The following IFI27 variants were observed in gnomAD, a reference collection of about 807,000 sequenced individuals.
IFI27 encodes the protein interferon alpha-inducible protein 27, mitochondrial.
Under a neutral mutation model 8.9 loss-of-function variants are expected in IFI27, and 3 were observed. The ratio of observed to expected loss-of-function variants is 0.34; its 90% CI spans 0.15 to 0.87. The LOEUF (loss-of-function observed/expected upper bound fraction) is 0.87. Ranked by LOEUF, IFI27 falls within the 40% of genes least tolerant of loss-of-function variation. The probability of loss-of-function intolerance (pLI) is 0.51; values close to 1 mark genes in which losing one functional copy is unlikely to be tolerated. For synonymous variants in IFI27, 66 were observed against 67.3 expected, an observed-to-expected ratio of 0.98 and a Z score of 0.09; for missense variants, 152 against 157.7, an observed-to-expected ratio of 0.96 and a Z score of 0.19.
At chr14:94,108,550 T>C (rs894319692), upstream of IFI27, among the ~76,000 whole-genome samples, 1 of 152,220 alleles carries the variant, frequency 6.6e-6, no homozygotes, top group Admixed American at 6.5e-5. Flanking sequence ...ACATTCATTG[T>C]GCTAATTTGC....
At chr14:94,115,636 G>A (rs866694980) in intron 3 of IFI27, 145 bp from the exon 4 acceptor site, 30 of 776,432 alleles carry the variant, frequency 3.9e-5, no homozygotes, top group South Asian at 1.8e-4. Context: ...CCCTTGATTC[G>A]TGCCTATTGG....
chr14:94,110,923 C>A (rs1287414131), intron 1 of IFI27, 126 bp downstream of exon 1: 1 of 154,364 alleles, frequency 6.5e-6, no homozygotes, highest in Non-Finnish European at 1.5e-5. Flanking sequence ...TTGTTCTCAT[C>A]AGGGAGCCTC....
chr14:94,114,930 G>A (rs1183450873), intron 3 of IFI27, 50 bp downstream of exon 3: 17 of 1,561,164 alleles, frequency 1.1e-5, no homozygotes, highest in Non-Finnish European at 1.5e-5. Context: ...CTAGGGAGGT[G>A]GACTTGGGGA....
chr14:94,108,238 T>C (rs1279299971), upstream of IFI27, among the ~76,000 whole-genome samples: 1 of 152,248 alleles, frequency 6.6e-6, no homozygotes, highest in Non-Finnish European at 1.5e-5. Flanking sequence ...CAGTCTATTA[T>C]TGATGGACAT....
At chr14:94,113,738 T>C (rs1476758099) in intron 2 of IFI27, 1 of 152,250 alleles carries the variant, frequency 6.6e-6, no homozygotes, top group African/African-American at 2.4e-5. Flanking sequence ...CTCTCTTGCC[T>C]GCCAATAAAA....
At chr14:94,114,829 A>G (rs1887328402) in intron 2 of IFI27, 22 bp from the exon 3 acceptor site, 2 of 1,613,780 alleles carry the variant, frequency 1.2e-6, no homozygotes, top group East Asian at 4.5e-5. Flanking sequence ...ATCTACTCAC[A>G]GAATGTTCTT....
chr14:94,106,484 G>GT (rs1357587036), upstream of IFI27, among the ~76,000 whole-genome samples: 2 of 152,212 alleles, frequency 1.3e-5, no homozygotes, highest in East Asian at 1.9e-4. Flanking sequence ...TTTATTTTCG[G>GT]TTTTTTTGAT....
At chr14:94,110,357 T>G (rs1203798212), upstream of IFI27, among the ~76,000 whole-genome samples, 3 of 152,230 alleles carry the variant, frequency 2.0e-5, no homozygotes, top group Non-Finnish European at 4.4e-5. Flanking sequence ...TTGAGACTTT[T>G]TTTGAAAAAC....
chr14:94,111,858 GAA>G lies in IFI27; in HGVS notation c.91+88_91+89del. On this transcript the variant is annotated intron_variant, in intron 2 of 4. Transcript: ENST00000621160. The surrounding 1 kb of genome is among the most constrained non-coding windows in gnomAD (Gnocchi z 4.3). ...GTCCTGTCCCGGGACCCGTGGGAGA[GAA>G]AATGGGGGACACCCGCAGCCTTGCT... is the stretch of plus-strand genomic sequence containing the variant. 9.9e-7 allele frequency: 1 copy of G among 1,007,632 alleles called. No individual in the cohort carries two copies. The highest frequency in any genetic ancestry group is 1.6e-6 in the Non-Finnish European group (1 of 631,740). The allele number at this position is 1,007,632 out of a possible 1,614,324, so 62.4% of individuals were successfully genotyped here. A position where few individuals can be genotyped will look rare whatever the true frequency, so the allele number is the denominator to read the frequency against.
upstream of IFI27, among the ~76,000 whole-genome samples, chr14:94,110,139 T>A (rs1887118163): frequency 6.6e-6 from 1 of 152,268 alleles, no homozygotes; most frequent in African/African-American, 2.4e-5. Flanking sequence ...CCACCTGGAA[T>A]GACTGCCCCC....
intron 3 of IFI27, 59 bp downstream of exon 3, chr14:94,114,939 G>A (rs2239645): frequency 0.08 from 121,802 of 1,523,830 alleles, 8,633 homozygotes; most frequent in East Asian, 0.37. Context: ...TGGACTTGGG[G>A]AGCAGCTGGC....
Position 94,116,629 on chromosome 14 carries a change from G to T in IFI27, c.*102G>T. 1 of 797,682 alleles carries T rather than the reference G, an allele frequency of 1.3e-6. No individual in the cohort carries two copies. The highest frequency in any genetic ancestry group is 2.1e-6 in the Non-Finnish European group (1 of 468,302). The allele number at this position is 797,682 out of a possible 1,614,324, so 49.4% of individuals were successfully genotyped here. A position where few individuals can be genotyped will look rare whatever the true frequency, so the allele number is the denominator to read the frequency against. ...GCCAACTATCCCAAATATACCTGGG[G>T]TGAAATATACCAAATTCTGCATCTC... On this transcript the variant is annotated 3_prime_UTR_variant, in exon 5 of 5. Coordinates refer to ENST00000621160, the Ensembl canonical transcript of IFI27. This position sits in a 1 kb window ranked among gnomAD's most constrained non-coding sequence, Gnocchi z 4.3.
chr14:94,114,783 C>T, intron 2 of IFI27, 68 bp from the exon 3 acceptor site: 2 of 1,566,704 alleles, frequency 1.3e-6, no homozygotes, highest in South Asian at 2.2e-5. Flanking sequence ...TTTAGATGGG[C>T]AATCGGCTTA....
upstream of IFI27, among the ~76,000 whole-genome samples, chr14:94,106,526 C>T (rs541954587): frequency 9.8e-5 from 15 of 152,316 alleles, 1 homozygote; most frequent in South Asian, 2.9e-3. Context: ...GAGGTAGTAT[C>T]TCATTGTGGC....
chr14:94,116,048 CTG>C lies in IFI27; in HGVS notation c.283+108_283+109del, dbSNP rs914916465. The stretch of plus-strand genomic sequence containing the variant: ...TATGAACCTCAATCTCCCTGTTCCT[CTG>C]TCTCTCTCTACACATTCTCTCAGGG... On this transcript the variant is annotated intron_variant, in intron 4 of 4. Transcript: ENST00000621160. The surrounding 1 kb of genome is among the most constrained non-coding windows in gnomAD (Gnocchi z 4.3). 17 of 1,121,420 alleles carry C rather than the reference CTG, an allele frequency of 1.5e-5. No homozygotes were observed. Among genetic ancestry groups the C allele is most frequent in the Non-Finnish European group, 2.2e-5 (17 of 765,402 alleles). 69.5% of individuals were successfully genotyped at this position (1,121,420 alleles called of 1,614,324 possible).
chr14:94,114,928 G>A, intron 3 of IFI27, 48 bp downstream of exon 3: 1 of 1,576,718 alleles, frequency 6.3e-7, no homozygotes, highest in Non-Finnish European at 8.7e-7. Context: ...CCCTAGGGAG[G>A]TGGACTTGGG....
At chr14:94,114,633 T>G (rs1446261365) in intron 2 of IFI27, 2 of 569,646 alleles carry the variant, frequency 3.5e-6, no homozygotes, top group African/African-American at 3.7e-5. Context: ...GTAAATTCAT[T>G]CAGGACAAGC....
At chr14:94,108,228 C>T (rs753698973), upstream of IFI27, among the ~76,000 whole-genome samples, 1 of 152,110 alleles carries the variant, frequency 6.6e-6, no homozygotes, top group Non-Finnish European at 1.5e-5. Context: ...TTTCTTTATC[C>T]AGTCTATTAT....
chr14:94,116,598 C>A lies in IFI27; in HGVS notation c.*71C>A, dbSNP rs561393480. The A allele has an allele frequency of 9.3e-5, 110 of 1,182,728 alleles. No homozygotes were observed. Among genetic ancestry groups the A allele is most frequent in the Non-Finnish European group, 1.2e-4 (95 of 805,822 alleles). The allele number at this position is 1,182,728 out of a possible 1,614,324, so 73.3% of individuals were successfully genotyped here. ...AAGGCACCCAGCCATCCTGACCCAG[C>A]GAGGAGCCAACTATCCCAAATATAC... On this transcript the variant is annotated 3_prime_UTR_variant, in exon 5 of 5. Coordinates refer to ENST00000621160, the Ensembl canonical transcript of IFI27. This position sits in a 1 kb window ranked among gnomAD's most constrained non-coding sequence, Gnocchi z 4.3.
Sources: allele counts gnomAD v4.1 joint callset (sites outside exome capture counted in the v4.1 genomes callset), GRCh38; gene constraint gnomAD v4.1.1; non-coding constraint Gnocchi (gnomAD v3.1); transcripts MANE v1.5; gene names NCBI Gene and HGNC (gene_info 2026-07-23, HGNC 2026-07-21).